Variants in ERC2 observed in about 807,000 individuals in gnomAD.
ERC2 encodes the protein ERC protein 2.
In ERC2, 42 loss-of-function variants were observed where a neutral mutation model predicts 114.8. The observed-to-expected ratio is 0.37, with a 90% CI of 0.29 to 0.47. ERC2 has a LOEUF of 0.47. ERC2 is among the 20% of genes least tolerant of loss of function. The pLI is 0.99. For synonymous variants in ERC2, 454 were observed against 425.5 expected (o/e 1.07, Z -0.82); for missense variants, 939 against 1,150.7 (o/e 0.82, Z 2.66).
intron 13 of ERC2, among the ~76,000 whole-genome samples, chr3:55,945,489 T>C (rs189845544): frequency 1.3e-4 from 20 of 152,346 alleles, no homozygotes; most frequent in African/African-American, 4.6e-4. Context: ...CACGTCCTTC[T>C]GCAAAGAAAC....
intron 2 of ERC2, among the ~76,000 whole-genome samples, chr3:56,431,213 G>C (rs1217515027): frequency 6.6e-6 from 1 of 152,198 alleles, no homozygotes; most frequent in East Asian, 1.9e-4. Context: ...AGCAATAGCA[G>C]AAGATTGCTC....
chr3:55,938,528 G>A (rs980254357), intron 13 of ERC2, among the ~76,000 whole-genome samples: 1 of 152,164 alleles, frequency 6.6e-6, no homozygotes, highest in Admixed American at 6.5e-5. Context: ...AGGTAAAGCC[G>A]TCATTAAGTC....
intron 17 of ERC2, among the ~76,000 whole-genome samples, chr3:55,678,159 C>T (rs994534983): frequency 6.6e-6 from 1 of 151,994 alleles, no homozygotes; most frequent in African/African-American, 2.4e-5. Flanking sequence ...TCTTACTTTG[C>T]CCAGGAATCG....
At chr3:56,010,611 A>G (rs780306947) in intron 8 of ERC2, 22 bp from the exon 9 acceptor site, 7 of 1,609,448 alleles carry the variant, frequency 4.3e-6, no homozygotes, top group Non-Finnish European at 5.9e-6. Flanking sequence ...TTAACAAAAA[A>G]GAAGAGGTGA....
chr3:56,285,199 A>G (rs542493112), intron 3 of ERC2, among the ~76,000 whole-genome samples: 246 of 150,306 alleles, frequency 1.6e-3, no homozygotes, highest in Non-Finnish European at 2.5e-3. Flanking sequence ...TCCTTCCTCA[A>G]TAAAACCAAG....
At chr3:56,052,566 G>A (rs1449086855) in intron 7 of ERC2, among the ~76,000 whole-genome samples, 1 of 152,226 alleles carries the variant, frequency 6.6e-6, no homozygotes, top group Non-Finnish European at 1.5e-5. Flanking sequence ...CAGTGAATAT[G>A]AGGAGATATT....
intron 17 of ERC2, among the ~76,000 whole-genome samples, chr3:55,607,142 C>A (rs1033444970): frequency 6.6e-6 from 1 of 152,214 alleles, no homozygotes; most frequent in East Asian, 1.9e-4. Flanking sequence ...CTGGAGATAT[C>A]GTAGTGACAA....
At position 55,711,288 on chromosome 3, in the gene ERC2, T is replaced by G. The variant is rs183162951; in HGVS notation, c.2713-11776A>C. 2.1e-4 allele frequency among the ~76,000 whole-genome samples: 32 copies of G among 152,346 alleles called. 1 individual carries two copies. The highest frequency in any genetic ancestry group is 6.5e-4 in the African/African-American group (27 of 41,586). On this transcript the variant is annotated intron_variant, in intron 15 of 17. Coordinates refer to ENST00000288221, the MANE Select transcript of ERC2 (RefSeq NM_015576.3). ...AAGTTTTTATTATGTAAATCATACA[T>G]GCTAGTTATGAAAAATTAAAGAGTA...
intron 17 of ERC2, among the ~76,000 whole-genome samples, chr3:55,645,427 C>T (rs1397097339): frequency 4.6e-5 from 7 of 152,158 alleles, no homozygotes; most frequent in Non-Finnish European, 7.4e-5. Context: ...ACTTTGAAGC[C>T]CTTGGGCTGT....
chr3:55,913,062 T>G (rs1477191874), intron 13 of ERC2, among the ~76,000 whole-genome samples: 1 of 152,180 alleles, frequency 6.6e-6, no homozygotes. Context: ...CATAGCTCAC[T>G]GCAGCCTTGA....
intron 4 of ERC2, among the ~76,000 whole-genome samples, chr3:56,158,341 C>CAACAGAAAACTGTCTTTCTGTTG (rs1575620922): frequency 6.6e-6 from 1 of 152,180 alleles, no homozygotes; most frequent in East Asian, 1.9e-4. Context: ...TTTCTCCTTT[C>CAACAGAAAACTGTCTTTCTGTTG]AAAGACACTT....
intron 7 of ERC2, among the ~76,000 whole-genome samples, chr3:56,052,213 T>G (rs915883736): frequency 6.6e-6 from 1 of 152,192 alleles, no homozygotes; most frequent in Admixed American, 6.5e-5. Context: ...ACCTGTTTGC[T>G]CTGTGAAAAG....
At chr3:55,703,978 TA>T (rs1271583589) in intron 15 of ERC2, among the ~76,000 whole-genome samples, 2 of 152,184 alleles carry the variant, frequency 1.3e-5, no homozygotes, top group Non-Finnish European at 2.9e-5. Flanking sequence ...TCACTAAGAA[TA>T]AGGGGTGTTG....
At chr3:56,383,567 C>CTGAA (rs147486589) in intron 2 of ERC2, among the ~76,000 whole-genome samples, 2 of 152,166 alleles carry the variant, frequency 1.3e-5, no homozygotes, top group Non-Finnish European at 2.9e-5. Flanking sequence ...ACAAAATGTG[C>CTGAA]TGAATGAATG....
At chr3:55,572,233 G>C (rs1286185219) in intron 17 of ERC2, among the ~76,000 whole-genome samples, 1 of 152,162 alleles carries the variant, frequency 6.6e-6, no homozygotes, top group Non-Finnish European at 1.5e-5. Flanking sequence ...CCAGAAAGTG[G>C]CCTGGGAGAC....
intron 13 of ERC2, among the ~76,000 whole-genome samples, chr3:55,928,410 C>A (rs1449390730): frequency 6.6e-6 from 1 of 152,166 alleles, no homozygotes; most frequent in African/African-American, 2.4e-5. Flanking sequence ...TGTATGTCTT[C>A]TTTTGAGAAA....
chr3:56,448,250 G>A (rs1169536636), intron 1 of ERC2, among the ~76,000 whole-genome samples: 3 of 152,084 alleles, frequency 2.0e-5, no homozygotes, highest in East Asian at 1.9e-4. Context: ...CCCCTACACT[G>A]CAACCCAGGT....
At chr3:55,713,774 T>G (rs1401400161) in intron 15 of ERC2, among the ~76,000 whole-genome samples, 3 of 152,230 alleles carry the variant, frequency 2.0e-5, no homozygotes, top group Non-Finnish European at 4.4e-5. Flanking sequence ...TCAACCTGCC[T>G]ATTATAAAGC....
chr3:56,050,565 G>C (rs187364463), intron 7 of ERC2, among the ~76,000 whole-genome samples: 14 of 152,242 alleles, frequency 9.2e-5, no homozygotes, highest in African/African-American at 2.9e-4. Flanking sequence ...TCCTTGAACT[G>C]CTAAGCTCCA....
Sources: gnomAD v4.1 joint callset for allele counts (sites outside exome capture counted in the v4.1 genomes callset) on GRCh38, gnomAD v4.1.1 for gene constraint, MANE v1.5 for transcripts, NCBI Gene and HGNC (gene_info 2026-07-23, HGNC 2026-07-21) for gene names.